Variants in MYO16 observed in about 807,000 individuals in gnomAD.
MYO16 encodes myosin XVI.
Under a neutral mutation model 205.3 loss-of-function variants are expected in MYO16, and 94 were observed. The observed-to-expected ratio is 0.46, with a 90% CI of 0.39 to 0.54. MYO16 has a LOEUF of 0.54. MYO16 is among the 20% of genes least tolerant of loss of function. The pLI, the probability that MYO16 is intolerant of heterozygous loss-of-function variation, is 0.00. For synonymous variants in MYO16, 988 were observed against 954.0 expected, an observed-to-expected ratio of 1.04 and a Z score of -0.66; for missense variants, 2,315 against 2,387.5, an observed-to-expected ratio of 0.97 and a Z score of 0.63.
At chr13:109,041,339 G>T (rs527379990) in intron 23 of MYO16, among the ~76,000 whole-genome samples, 1 of 152,148 alleles carries the variant, frequency 6.6e-6, no homozygotes, top group South Asian at 2.1e-4. Context: ...CCAAATCACA[G>T]TAAAATTTTT....
chr13:108,685,620 T>C (rs140312992), intron 2 of MYO16, among the ~76,000 whole-genome samples: 15 of 152,272 alleles, frequency 9.9e-5, no homozygotes, highest in African/African-American at 3.4e-4. Flanking sequence ...CCTTCAAATA[T>C]CCCGTTCTGG....
intron 27 of MYO16, among the ~76,000 whole-genome samples, chr13:109,062,447 G>A (rs921356669): frequency 6.6e-6 from 1 of 152,188 alleles, no homozygotes; most frequent in Non-Finnish European, 1.5e-5. Flanking sequence ...GTGAGGATGA[G>A]AAATGGTACT....
At chr13:109,074,964 C>A (rs1888044720) in intron 27 of MYO16, among the ~76,000 whole-genome samples, 1 of 152,198 alleles carries the variant, frequency 6.6e-6, no homozygotes, top group African/African-American at 2.4e-5. Context: ...ATAAATGGCA[C>A]CATAAATTGT....
At chr13:108,814,509 C>A (rs538873944) in intron 7 of MYO16, among the ~76,000 whole-genome samples, 1 of 151,804 alleles carries the variant, frequency 6.6e-6, no homozygotes, top group East Asian at 1.9e-4. Context: ...TAATATAAAG[C>A]AATACTCATT....
chr13:108,524,305 CAA>C, the MYO16 span, among the ~76,000 whole-genome samples: 106 of 23,148 alleles, frequency 4.6e-3, no homozygotes, highest in Non-Finnish European at 9.1e-3. Context: ...ACTCCGTCTC[CAA>C]AAAAAAATAA....
At chr13:109,110,467 T>G (rs190499605) in intron 28 of MYO16, among the ~76,000 whole-genome samples, 10 of 152,348 alleles carry the variant, frequency 6.6e-5, no homozygotes, top group African/African-American at 2.4e-4. Context: ...TATAATTATA[T>G]GTAATTCAAG....
At chr13:108,908,063 G>GAA (rs1251612564) in intron 15 of MYO16, among the ~76,000 whole-genome samples, 1 of 151,766 alleles carries the variant, frequency 6.6e-6, no homozygotes, top group African/African-American at 2.4e-5. Context: ...ATTTAAGGGG[G>GAA]AAAAAAGAAA....
At chr13:108,585,942 T>C in the MYO16 span, among the ~76,000 whole-genome samples, 1 of 101,220 alleles carries the variant, frequency 9.9e-6, no homozygotes, top group Non-Finnish European at 2.2e-5. Context: ...TATTACAATG[T>C]TCAATCTTTA....
intron 4 of MYO16, among the ~76,000 whole-genome samples, chr13:108,749,458 A>T (rs181165790): frequency 6.6e-6 from 1 of 152,306 alleles, no homozygotes; most frequent in Admixed American, 6.5e-5. Context: ...TGGGCAAAAG[A>T]TCTTAACAGA....
chr13:108,761,857 A>T (rs1885620261), intron 4 of MYO16, among the ~76,000 whole-genome samples: 3 of 152,160 alleles, frequency 2.0e-5, no homozygotes, highest in Admixed American at 2.0e-4. Context: ...AGCTGTAAAC[A>T]TTTTTTAATT....
At position 108,874,685 on chromosome 13, in the gene MYO16, TTCA is replaced by T. The variant is rs375128929; in HGVS notation, c.1426-8363_1426-8361del. ...AGTGCTGCGCCCAGAGGCAGACAGT[TTCA>T]TCATCATCATTATTATTATTATTAT... On this transcript the variant is annotated intron_variant, in intron 12 of 34. Coordinates refer to ENST00000457511, the MANE Select transcript of MYO16 (RefSeq NM_001198950.3). 3.2e-3 allele frequency among the ~76,000 whole-genome samples: 400 copies of T among 126,060 alleles called. 4 individuals are homozygous for T. The highest frequency in any genetic ancestry group is 0.017 in the Middle Eastern group (4 of 240). 82.7% of individuals were successfully genotyped at this position (126,060 alleles called of 152,430 possible).
chr13:108,550,407 CT>C, the MYO16 span, among the ~76,000 whole-genome samples: 1 of 152,216 alleles, frequency 6.6e-6, no homozygotes, highest in African/African-American at 2.4e-5. Flanking sequence ...AGTGTTGATG[CT>C]TTACTTAGAT....
At chr13:109,023,709 A>ATACATATATATATATGTGTATATAT (rs571275985) in intron 23 of MYO16, among the ~76,000 whole-genome samples, 5 of 124,144 alleles carry the variant, frequency 4.0e-5, no homozygotes, top group Non-Finnish European at 6.4e-5. Flanking sequence ...ATATGTATAT[A>ATACATATATATATATGTGTATATAT]TACAAATATA....
At chr13:108,625,661 T>A (rs1879706816), upstream of MYO16, among the ~76,000 whole-genome samples, 1 of 152,216 alleles carries the variant, frequency 6.6e-6, no homozygotes, top group African/African-American at 2.4e-5. Context: ...CATCAAAGGC[T>A]AATATTTATA....
intron 7 of MYO16, among the ~76,000 whole-genome samples, chr13:108,813,886 G>T (rs1277487585): frequency 6.6e-6 from 1 of 152,094 alleles, no homozygotes; most frequent in African/African-American, 2.4e-5. Flanking sequence ...TAGAGTAATT[G>T]GAATTAGCCC....
chr13:108,904,464 A>C (rs1330969198), intron 15 of MYO16, among the ~76,000 whole-genome samples: 1 of 152,284 alleles, frequency 6.6e-6, no homozygotes, highest in South Asian at 2.1e-4. Flanking sequence ...CATTGCCTGA[A>C]TCCCTACAAA....
At chr13:109,165,146 A>C in intron 33 of MYO16, 87 bp downstream of exon 33, 3 of 1,046,626 alleles carry the variant, frequency 2.9e-6, no homozygotes, top group Non-Finnish European at 4.2e-6. Flanking sequence ...AAATATGAAA[A>C]TGAAGTAGGG....
At chr13:108,683,655 A>T (rs1882554700) in intron 2 of MYO16, among the ~76,000 whole-genome samples, 1 of 152,208 alleles carries the variant, frequency 6.6e-6, no homozygotes, top group South Asian at 2.1e-4. Flanking sequence ...CTCAATTGAA[A>T]ATTATTCTAT....
intron 10 of MYO16, among the ~76,000 whole-genome samples, chr13:108,851,601 C>G (rs1877869157): frequency 6.6e-6 from 1 of 152,164 alleles, no homozygotes; most frequent in Non-Finnish European, 1.5e-5. Context: ...TCAATCTTGT[C>G]TAAATCAATT....
Sources: allele counts gnomAD v4.1 joint callset (sites outside exome capture counted in the v4.1 genomes callset), GRCh38; gene constraint gnomAD v4.1.1; transcripts MANE v1.5; gene names NCBI Gene and HGNC (gene_info 2026-07-23, HGNC 2026-07-21).